Variants in PRKCB observed in about 807,000 individuals in gnomAD.
PRKCB encodes the protein protein kinase C beta.
In PRKCB, 13 loss-of-function variants were observed where a neutral mutation model predicts 81.5. That is an observed-to-expected ratio of 0.16 (90% CI 0.10 to 0.25). The LOEUF is 0.25. Among genes scored for constraint, PRKCB ranks in the 10% least tolerant of loss-of-function variants. The pLI is 1.00. For missense variants in PRKCB, 509 were observed against 875.7 expected, an observed-to-expected ratio of 0.58 and a Z score of 5.29; for synonymous variants, 335 against 321.4, an observed-to-expected ratio of 1.04 and a Z score of -0.45.
intron 9 of PRKCB, among the ~76,000 whole-genome samples, chr16:24,147,090 C>T (rs554987696): frequency 1.4e-4 from 21 of 151,846 alleles, no homozygotes; most frequent in East Asian, 7.8e-4. Flanking sequence ...GGGCGGATCA[C>T]GAGGTCAGGA....
At chr16:24,202,858 C>A (rs1967980432) in intron 16 of PRKCB, among the ~76,000 whole-genome samples, 1 of 152,128 alleles carries the variant, frequency 6.6e-6, no homozygotes, top group African/African-American at 2.4e-5. Context: ...TTTTAAGCCC[C>A]TCTTCTCCTT....
rs111578507 is a variant in PRKCB, at chr16:23,953,867, C to T, written c.206-34641C>T. Among the ~76,000 whole-genome samples, 1,138 of 146,586 alleles carry T rather than the reference C, an allele frequency of 7.8e-3. 15 individuals carry two copies. Among genetic ancestry groups the T allele is most frequent in the African/African-American group, 0.027 (1,075 of 39,726 alleles). ...GCAGTCAGACATCAACTATGATGCACGTTACAGGGAAGGCATCCATCTTTT... is the reference window on the plus strand; with the variant it reads ...GCAGTCAGACATCAACTATGATGCATGTTACAGGGAAGGCATCCATCTTTT... On this transcript the variant is annotated intron_variant, in intron 2 of 16. Transcript: ENST00000643927.
At chr16:23,980,996 C>T (rs1030564638) in intron 2 of PRKCB, among the ~76,000 whole-genome samples, 31 of 151,986 alleles carry the variant, frequency 2.0e-4, no homozygotes, top group African/African-American at 7.5e-4. Context: ...CAGTCTACTC[C>T]TTCCATCTGG....
intron 2 of PRKCB, among the ~76,000 whole-genome samples, chr16:23,933,820 A>C (rs1032070285): frequency 7.8e-6 from 1 of 127,932 alleles, no homozygotes. Context: ...CCATCCATCC[A>C]TCTTCTGTTT....
intron 2 of PRKCB, among the ~76,000 whole-genome samples, chr16:23,863,251 C>CATAT (rs1251890889): frequency 2.1e-5 from 1 of 47,690 alleles, no homozygotes. Context: ...CATATATATA[C>CATAT]ACATACACAC....
At chr16:23,872,387 C>T (rs1297221438) in intron 2 of PRKCB, among the ~76,000 whole-genome samples, 1 of 152,112 alleles carries the variant, frequency 6.6e-6, no homozygotes, top group Non-Finnish European at 1.5e-5. Context: ...CTGGTGCGGT[C>T]GTGTGCACCT....
At chr16:23,899,057 C>A (rs1386315043) in intron 2 of PRKCB, among the ~76,000 whole-genome samples, 1 of 152,188 alleles carries the variant, frequency 6.6e-6, no homozygotes, top group East Asian at 1.9e-4. Context: ...CGTGTTGCAT[C>A]TCAGGGCTTG....
At chr16:24,101,455 CT>C (rs1567374534) in intron 7 of PRKCB, among the ~76,000 whole-genome samples, 1 of 152,190 alleles carries the variant, frequency 6.6e-6, no homozygotes, top group Non-Finnish European at 1.5e-5. Context: ...GGGAGGATCA[CT>C]TGGGCCCAGG....
chr16:24,035,477 G>A lies in PRKCB; in HGVS notation c.459G>A (p.Thr153=), dbSNP rs372836893. Reference sequence around the variant, plus strand: ...TGAATGTTCCCAGCCTGTGTGGCACGGACCACACGGAGCGCCGCGGCCGCA... The same window carrying A: ...TGAATGTTCCCAGCCTGTGTGGCACAGACCACACGGAGCGCCGCGGCCGCA... ...CVMNVPSLCG[T]DHTERRGRIY... Residue 153 remains threonine (T), a synonymous_variant, in exon 5 of 17, where the codon ACG becomes ACA. Coordinates refer to ENST00000643927, the MANE Select transcript of PRKCB (RefSeq NM_002738.7). 24 of 1,614,062 alleles carry A rather than the reference G, an allele frequency of 1.5e-5. No individual in the cohort carries two copies. The highest frequency in any genetic ancestry group is 4.5e-5 in the East Asian group (2 of 44,890).
intron 9 of PRKCB, among the ~76,000 whole-genome samples, chr16:24,128,632 C>T (rs1966848657): frequency 6.6e-6 from 1 of 152,204 alleles, no homozygotes; most frequent in Non-Finnish European, 1.5e-5. Context: ...GGCTGGCTTA[C>T]TCGGAGGTAG....
chr16:24,017,703 A>C (rs979112648), intron 3 of PRKCB, among the ~76,000 whole-genome samples: 1 of 152,210 alleles, frequency 6.6e-6, no homozygotes, highest in Non-Finnish European at 1.5e-5. Flanking sequence ...AGGCAAAATT[A>C]ATGATAACAG....
chr16:24,109,606 G>A (rs1022092733), intron 7 of PRKCB, among the ~76,000 whole-genome samples: 16 of 128,660 alleles, frequency 1.2e-4, no homozygotes, highest in African/African-American at 5.9e-4. Flanking sequence ...GGGCGGAGAC[G>A]CTCCTCACTT....
At chr16:24,208,412 G>A (rs546915853) in intron 16 of PRKCB, 48 of 152,306 alleles carry the variant, frequency 3.2e-4, no homozygotes, top group African/African-American at 9.9e-4. Context: ...AAGAGCTTAC[G>A]TGTAACAGGT....
chr16:24,025,554 T>C (rs1025271812), intron 3 of PRKCB, among the ~76,000 whole-genome samples: 3 of 152,190 alleles, frequency 2.0e-5, no homozygotes, highest in African/African-American at 7.2e-5. Context: ...TTTCCTCACA[T>C]TGCATGCAGT....
chr16:24,169,269 A>G (rs1344807677), intron 10 of PRKCB, among the ~76,000 whole-genome samples: 1 of 152,112 alleles, frequency 6.6e-6, no homozygotes, highest in Non-Finnish European at 1.5e-5. Flanking sequence ...TAATTAATGT[A>G]TATTGATGGC....
rs981844028 is a variant in PRKCB at position 23,867,387 on chromosome 16, G to C, written c.205+29981G>C. Among the ~76,000 whole-genome samples the C allele has an allele frequency of 3.9e-5, 6 of 152,190 alleles. No individual in the cohort carries two copies. In the East Asian group the frequency reaches 1.2e-3, roughly 29 times the overall value. Reference sequence around the variant, plus strand: ...TCCACCGGCCTCGGCCTCCCAAAGTGCTGGGATTACAGGCGTGAGCCGCTA... The same window carrying C: ...TCCACCGGCCTCGGCCTCCCAAAGTCCTGGGATTACAGGCGTGAGCCGCTA... On this transcript the variant is annotated intron_variant, in intron 2 of 16. Coordinates refer to ENST00000643927, the MANE Select transcript of PRKCB (RefSeq NM_002738.7).
At chr16:23,963,930 A>G (rs1457606647) in intron 2 of PRKCB, 1 of 152,216 alleles carries the variant, frequency 6.6e-6, no homozygotes, top group Non-Finnish European at 1.5e-5. Flanking sequence ...CACCGTTGCC[A>G]TGAAGTCATG....
At chr16:24,132,234 T>A (rs866949064) in intron 9 of PRKCB, among the ~76,000 whole-genome samples, 1 of 152,080 alleles carries the variant, frequency 6.6e-6, no homozygotes, top group Non-Finnish European at 1.5e-5. Flanking sequence ...GTAACTCATA[T>A]CTCTCCAGAT....
At chr16:23,900,643 T>C (rs1963454954) in intron 2 of PRKCB, among the ~76,000 whole-genome samples, 1 of 151,422 alleles carries the variant, frequency 6.6e-6, no homozygotes, top group Non-Finnish European at 1.5e-5. Context: ...TTTTTTCCTA[T>C]GTGATGACGT....
Sources: allele counts gnomAD v4.1 joint callset (sites outside exome capture counted in the v4.1 genomes callset), GRCh38; gene constraint gnomAD v4.1.1; transcripts MANE v1.5; gene names NCBI Gene and HGNC (gene_info 2026-07-23, HGNC 2026-07-21).